FAAH2: variants seen among roughly 807,000 people sequenced by gnomAD.
The protein encoded by FAAH2 is fatty-acid amide hydrolase 2.
A neutral mutation model predicts 36.9 loss-of-function variants in FAAH2; 60 were observed. The observed-to-expected ratio is 1.63, with a 90% CI of 1.32 to 2.02. The LOEUF (loss-of-function observed/expected upper bound fraction) is 2.02. Ranked by LOEUF, FAAH2 falls within the 30% of genes most tolerant of loss-of-function variation. The pLI, the probability that FAAH2 is intolerant of heterozygous loss-of-function variation, is 0.00. For synonymous variants in FAAH2, 214 were observed against 143.8 expected, an observed-to-expected ratio of 1.49 and a Z score of -3.49; for missense variants, 689 against 397.5, an observed-to-expected ratio of 1.73 and a Z score of -6.23.
chrX:57,403,682 C>T (rs2055495703), intron 7 of FAAH2, among the ~76,000 whole-genome samples: 1 of 112,380 alleles, frequency 8.9e-6, no homozygotes, highest in South Asian at 3.7e-4. Context: ...AATTATTAGG[C>T]AATTTTCTTA....
At chrX:57,348,593 C>T (rs1341307749) in intron 5 of FAAH2, among the ~76,000 whole-genome samples, 2 of 111,030 alleles carry the variant, frequency 1.8e-5, no homozygotes, top group Admixed American at 1.9e-4. Flanking sequence ...TGAAGACAGG[C>T]CCAACTGGTG....
At chrX:57,355,073 G>T (rs1470061732) in intron 5 of FAAH2, among the ~76,000 whole-genome samples, 1 of 110,084 alleles carries the variant, frequency 9.1e-6, no homozygotes, top group Non-Finnish European at 1.9e-5. Flanking sequence ...TTTTGAATTT[G>T]AATTGTAACT....
intron 5 of FAAH2, among the ~76,000 whole-genome samples, chrX:57,347,915 C>T (rs186335567): frequency 8.6e-4 from 95 of 109,959 alleles, no homozygotes; most frequent in African/African-American, 3.0e-3. Context: ...GGTAGATAGG[C>T]GCTTACTCAA....
chrX:57,129,302 C>A, the FAAH2 span, among the ~76,000 whole-genome samples: 3 of 111,308 alleles, frequency 2.7e-5, no homozygotes, highest in African/African-American at 9.8e-5. Context: ...TCAATAAATG[C>A]ATGTATATCT....
intron 5 of FAAH2, among the ~76,000 whole-genome samples, chrX:57,352,593 A>G (rs759185591): frequency 3.6e-5 from 4 of 111,219 alleles, no homozygotes; most frequent in African/African-American, 1.3e-4. Context: ...TCAATGTAGT[A>G]CTGGAAGTGA....
chrX:57,163,442 G>T, the FAAH2 span, among the ~76,000 whole-genome samples: 1 of 111,844 alleles, frequency 8.9e-6, no homozygotes, highest in Non-Finnish European at 1.9e-5. Context: ...GGGCAATGGA[G>T]GGCGCCCCTC....
chrX:57,405,490 C>T (rs776687434), intron 7 of FAAH2, among the ~76,000 whole-genome samples: 42 of 108,780 alleles, frequency 3.9e-4, no homozygotes, highest in Admixed American at 3.3e-3. Flanking sequence ...ATGGGCACCT[C>T]GCTGGATCAG....
At chrX:57,455,035 T>A (rs887142703) in intron 10 of FAAH2, among the ~76,000 whole-genome samples, 3 of 111,018 alleles carry the variant, frequency 2.7e-5, no homozygotes, top group Non-Finnish European at 3.8e-5. Flanking sequence ...GAAAAACTCT[T>A]AAAAGTAGCT....
the FAAH2 span, among the ~76,000 whole-genome samples, chrX:57,245,757 G>T: frequency 8.9e-6 from 1 of 112,381 alleles, no homozygotes; most frequent in Non-Finnish European, 1.9e-5. Flanking sequence ...AGCACTAAAT[G>T]CCCACAAGAG....
At chrX:57,213,037 G>A in the FAAH2 span, among the ~76,000 whole-genome samples, 9 of 111,173 alleles carry the variant, frequency 8.1e-5, no homozygotes, top group Non-Finnish European at 1.7e-4. Flanking sequence ...GTCTATTCAG[G>A]ATTTCTTTCT....
At chrX:57,177,984 G>A in the FAAH2 span, among the ~76,000 whole-genome samples, 1 of 110,607 alleles carries the variant, frequency 9.0e-6, no homozygotes, top group East Asian at 2.9e-4. Context: ...AGTCCCTGAG[G>A]GCCAAACTAC....
the FAAH2 span, among the ~76,000 whole-genome samples, chrX:57,192,663 G>C: frequency 2.7e-5 from 3 of 111,738 alleles, no homozygotes; most frequent in Non-Finnish European, 3.8e-5. Context: ...TTTGTTACAG[G>C]AAGTCAGGGA....
intron 3 of FAAH2, among the ~76,000 whole-genome samples, chrX:57,324,777 G>C (rs183106580): frequency 5.9e-4 from 66 of 111,967 alleles, no homozygotes; most frequent in East Asian, 3.3e-3. Flanking sequence ...ACAATCATGT[G>C]ATCTGCAAAC....
At chrX:57,253,715 T>TG in the FAAH2 span, among the ~76,000 whole-genome samples, 1 of 111,433 alleles carries the variant, frequency 9.0e-6, no homozygotes, top group Non-Finnish European at 1.9e-5. Context: ...GAGAAACTAA[T>TG]GGTGAGAGAT....
At chrX:57,152,916 C>G in the FAAH2 span, among the ~76,000 whole-genome samples, 10 of 110,373 alleles carry the variant, frequency 9.1e-5, no homozygotes, top group South Asian at 7.8e-4. Context: ...TGGCTCCCCC[C>G]CCGCTGACCT....
the FAAH2 span, chrX:57,137,235 G>A: frequency 2.6e-6 from 2 of 760,879 alleles, no homozygotes; most frequent in Non-Finnish European, 3.1e-6. Context: ...GGGGATCGCG[G>A]GCCTCACGTG....
the FAAH2 span, among the ~76,000 whole-genome samples, chrX:57,173,799 TG>T: frequency 3.6e-5 from 4 of 111,965 alleles, no homozygotes; most frequent in Non-Finnish European, 7.5e-5. Flanking sequence ...TATTATTGAA[TG>T]TTTTTTTCTT....
Position 57,365,907 on chromosome X carries a change from G to GT in FAAH2, c.743-12738dup, listed in dbSNP as rs775472766. On this transcript the variant is annotated intron_variant, in intron 5 of 10. Coordinates refer to ENST00000374900, the MANE Select transcript of FAAH2 (RefSeq NM_174912.4). Reference sequence around the variant, plus strand: ...GAATTTTTCATTTTCAGATCAGTTTGTTTTTTCTTAAAATGGCAGCTATCT... The same window carrying GT: ...GAATTTTTCATTTTCAGATCAGTTTGTTTTTTTCTTAAAATGGCAGCTATCT... Among the ~76,000 whole-genome samples, 29 of 111,923 alleles carry GT rather than the reference G, an allele frequency of 2.6e-4. No homozygotes were observed. The East Asian group carries it at 7.0e-3, about 27-fold the overall frequency.
chrX:57,482,709 ATT>A (rs368783162), intron 10 of FAAH2, among the ~76,000 whole-genome samples: 6 of 63,874 alleles, frequency 9.4e-5, no homozygotes, highest in Admixed American at 2.2e-4. Context: ...CATTCCCTCA[ATT>A]TTTTTTTTTT....
Sources: gnomAD v4.1 joint callset for allele counts (sites outside exome capture counted in the v4.1 genomes callset) on GRCh38, gnomAD v4.1.1 for gene constraint, MANE v1.5 for transcripts, NCBI Gene and HGNC (gene_info 2026-07-23, HGNC 2026-07-21) for gene names.